Variants in COMMD1 observed in about 807,000 individuals in gnomAD.
COMMD1 encodes copper metabolism domain containing 1, also known as COMM domain-containing protein 1.
In COMMD1, 10 loss-of-function variants were observed where a neutral mutation model predicts 17.2. The observed-to-expected ratio is 0.58, with a 90% CI of 0.36 to 0.99. The LOEUF is 0.99. COMMD1 is among the 50% of genes least tolerant of loss of function. COMMD1 has a pLI of 0.01. For missense variants in COMMD1, 270 were observed against 231.8 expected (o/e 1.17, Z -1.07); for synonymous variants, 97 against 91.6 (o/e 1.06, Z -0.34).
chr2:61,954,687 CTT>C (rs1273362051), intron 1 of COMMD1, among the ~76,000 whole-genome samples: 4 of 145,918 alleles, frequency 2.7e-5, no homozygotes, highest in South Asian at 2.2e-4. Context: ...CTCTCTCTCT[CTT>C]TTTTTTTTTT....
chr2:61,945,635 G>T (rs777347296), intron 1 of COMMD1, among the ~76,000 whole-genome samples: 6 of 152,298 alleles, frequency 3.9e-5, no homozygotes, highest in Admixed American at 2.0e-4. Flanking sequence ...GCCTCAGGAC[G>T]TCCTGATGAC....
At chr2:61,972,965 C>T (rs1671694186) in intron 1 of COMMD1, among the ~76,000 whole-genome samples, 1 of 152,066 alleles carries the variant, frequency 6.6e-6, no homozygotes, top group Non-Finnish European at 1.5e-5. Flanking sequence ...GCCTCCGCAC[C>T]TGGCCCTTAT....
At chr2:62,041,071 T>C (rs181669291) in intron 2 of COMMD1, among the ~76,000 whole-genome samples, 3 of 152,162 alleles carry the variant, frequency 2.0e-5, no homozygotes, top group Non-Finnish European at 4.4e-5. Context: ...CCCCAGAACA[T>C]TACGAGGATC....
At chr2:62,024,761 T>A (rs952471192) in intron 2 of COMMD1, among the ~76,000 whole-genome samples, 7 of 152,236 alleles carry the variant, frequency 4.6e-5, no homozygotes, top group African/African-American at 1.7e-4. Context: ...TATACAAATT[T>A]ATCTGATGCC....
chr2:61,912,150 T>C (rs933263419), intron 1 of COMMD1, among the ~76,000 whole-genome samples: 1 of 152,240 alleles, frequency 6.6e-6, no homozygotes, highest in African/African-American at 2.4e-5. Context: ...ACTATTCTAC[T>C]AGAATGTAAG....
intron 1 of COMMD1, among the ~76,000 whole-genome samples, chr2:61,911,082 TAAAA>T (rs546105525): frequency 7.0e-6 from 1 of 143,660 alleles, no homozygotes. Flanking sequence ...AAACCCCATC[TAAAA>T]AAAAAAAAAA....
intron 2 of COMMD1, among the ~76,000 whole-genome samples, chr2:62,124,385 T>C (rs1271610205): frequency 1.3e-5 from 2 of 152,216 alleles, no homozygotes; most frequent in Non-Finnish European, 2.9e-5. Flanking sequence ...TGCTGTGATA[T>C]GGTCACATTA....
chr2:62,034,359 G>T (rs1318434409), intron 2 of COMMD1, among the ~76,000 whole-genome samples: 1 of 151,984 alleles, frequency 6.6e-6, no homozygotes, highest in Non-Finnish European at 1.5e-5. Context: ...AATTAGCCAG[G>T]CGTGGTGGCA....
intron 2 of COMMD1, among the ~76,000 whole-genome samples, chr2:62,094,709 T>C (rs561523724): frequency 6.6e-6 from 1 of 152,256 alleles, no homozygotes; most frequent in African/African-American, 2.4e-5. Context: ...AGTATCAAAC[T>C]TGAGAGAATA....
chr2:61,989,426 C>A (rs1172151888), intron 1 of COMMD1, among the ~76,000 whole-genome samples: 1 of 151,878 alleles, frequency 6.6e-6, no homozygotes, highest in African/African-American at 2.4e-5. Context: ...CCTATTAATC[C>A]CTCCATTCCC....
chr2:62,057,341 T>C (rs1670734175), intron 2 of COMMD1, among the ~76,000 whole-genome samples: 1 of 152,196 alleles, frequency 6.6e-6, no homozygotes, highest in Admixed American at 6.5e-5. Flanking sequence ...TATATGTGCA[T>C]ATATCTGTGT....
intron 2 of COMMD1, among the ~76,000 whole-genome samples, chr2:62,106,937 C>T (rs1293236115): frequency 6.6e-6 from 1 of 152,078 alleles, no homozygotes; most frequent in African/African-American, 2.4e-5. Flanking sequence ...GTCCCTAGGC[C>T]CTATGAGGCC....
At chr2:62,133,628 G>A (rs1673104766) in intron 2 of COMMD1, among the ~76,000 whole-genome samples, 1 of 152,080 alleles carries the variant, frequency 6.6e-6, no homozygotes, top group Non-Finnish European at 1.5e-5. Context: ...ATGATAAATT[G>A]TGGAGAGAAG....
At chr2:62,096,149 T>C (rs747664280) in intron 2 of COMMD1, among the ~76,000 whole-genome samples, 1 of 152,116 alleles carries the variant, frequency 6.6e-6, no homozygotes, top group Non-Finnish European at 1.5e-5. Context: ...AAGAAAGCTA[T>C]GTAAGTATTT....
At chr2:62,011,724 GAA>G (rs1426583121) in intron 2 of COMMD1, among the ~76,000 whole-genome samples, 2 of 152,122 alleles carry the variant, frequency 1.3e-5, no homozygotes, top group African/African-American at 4.8e-5. Flanking sequence ...ATTAGTGTAA[GAA>G]ATTTTATCAG....
At chr2:62,115,060 C>T (rs574242447) in intron 2 of COMMD1, among the ~76,000 whole-genome samples, 1 of 152,282 alleles carries the variant, frequency 6.6e-6, no homozygotes, top group Admixed American at 6.5e-5. Flanking sequence ...GTGTAAGACA[C>T]AGTTTTACCA....
intron 2 of COMMD1, among the ~76,000 whole-genome samples, chr2:62,106,126 G>A (rs1407559380): frequency 6.6e-6 from 1 of 152,154 alleles, no homozygotes; most frequent in African/African-American, 2.4e-5. Flanking sequence ...GACTTCCAAT[G>A]TGCTGATATT....
intron 2 of COMMD1, among the ~76,000 whole-genome samples, chr2:62,110,691 C>A (rs1672433667): frequency 6.6e-6 from 1 of 152,036 alleles, no homozygotes; most frequent in Non-Finnish European, 1.5e-5. Flanking sequence ...TCTTTGTATA[C>A]CTTTCTCTCA....
At chr2:61,971,127 G>A (rs1216147238) in intron 1 of COMMD1, among the ~76,000 whole-genome samples, 1 of 152,180 alleles carries the variant, frequency 6.6e-6, no homozygotes. Context: ...GTTAGGGATA[G>A]CGCTCAAAAT....
Sources: gnomAD v4.1 joint callset for allele counts (sites outside exome capture counted in the v4.1 genomes callset) on GRCh38, gnomAD v4.1.1 for gene constraint, MANE v1.5 for transcripts, NCBI Gene and HGNC (gene_info 2026-07-23, HGNC 2026-07-21) for gene names.